Variants in ZRANB3 observed in about 807,000 individuals in gnomAD.
ZRANB3 encodes the protein DNA annealing helicase and endonuclease ZRANB3.
Under a neutral mutation model 133.8 loss-of-function variants are expected in ZRANB3, and 125 were observed. That is an observed-to-expected ratio of 0.93 (90% CI 0.81 to 1.08). The LOEUF is 1.08. ZRANB3 is among the 50% of genes least tolerant of loss of function. The probability of loss-of-function intolerance (pLI) is 0.00; values close to 1 mark genes in which losing one functional copy is unlikely to be tolerated. For synonymous variants in ZRANB3, 387 were observed against 432.7 expected, an observed-to-expected ratio of 0.89 and a Z score of 1.31; for missense variants, 1,229 against 1,275.5, an observed-to-expected ratio of 0.96 and a Z score of 0.56.
intron 8 of ZRANB3, among the ~76,000 whole-genome samples, chr2:135,291,035 T>C (rs1184529674): frequency 6.6e-6 from 1 of 152,124 alleles, no homozygotes; most frequent in African/African-American, 2.4e-5. Context: ...CTCCTTTTTG[T>C]ATTTTTACTA....
chr2:135,231,880 G>A (rs1353641530), intron 12 of ZRANB3, among the ~76,000 whole-genome samples: 1 of 152,158 alleles, frequency 6.6e-6, no homozygotes, highest in Admixed American at 6.5e-5. Context: ...CTGAAGATGG[G>A]TGATTTCTGC....
chr2:135,472,894 T>C (rs1276044815), intron 2 of ZRANB3, among the ~76,000 whole-genome samples: 1 of 152,204 alleles, frequency 6.6e-6, no homozygotes, highest in East Asian at 1.9e-4. Context: ...TTATACATCG[T>C]AGGGTTGTAG....
chr2:135,305,529 A>G (rs933031357), intron 8 of ZRANB3, among the ~76,000 whole-genome samples: 1 of 152,136 alleles, frequency 6.6e-6, no homozygotes, highest in African/African-American at 2.4e-5. Context: ...GAGGATTGCC[A>G]TTTTGTTAAT....
In ZRANB3 at chr2:135,208,906, C is replaced by T. The variant is rs1395573063; in HGVS notation, c.2568G>A (p.Leu856=). Residue 856 remains leucine, a synonymous_variant, in exon 18 of 21, where the codon CTG becomes CTA. Coordinates refer to ENST00000264159, the MANE Select transcript of ZRANB3 (RefSeq NM_032143.4). The part of the protein sequence containing the change: ...KVKNVGGHVR[L]ITKESRPRDP... Reference sequence around the variant, plus strand: ...CCCGTGGCCTGGACTCCTTTGTGATCAGACGGACATGGCCCCCAACATTCT... The same window carrying T: ...CCCGTGGCCTGGACTCCTTTGTGATTAGACGGACATGGCCCCCAACATTCT... 1 of 1,613,854 alleles carries T rather than the reference C, an allele frequency of 6.2e-7. No individual in the cohort carries two copies. The highest frequency in any genetic ancestry group is 8.5e-7 in the Non-Finnish European group (1 of 1,179,890).
intron 2 of ZRANB3, among the ~76,000 whole-genome samples, chr2:135,416,537 G>A (rs1465810314): frequency 1.3e-5 from 2 of 151,644 alleles, no homozygotes; most frequent in Admixed American, 6.6e-5. Flanking sequence ...TACTGCCCAA[G>A]GTAATTTATA....
intron 3 of ZRANB3, among the ~76,000 whole-genome samples, chr2:135,377,412 T>G (rs949200324): frequency 3.9e-5 from 6 of 152,140 alleles, no homozygotes; most frequent in African/African-American, 1.4e-4. Flanking sequence ...AAAATGAAAT[T>G]AGTTTTTTTT....
chr2:135,424,441 C>T (rs1688987529), intron 2 of ZRANB3, among the ~76,000 whole-genome samples: 1 of 151,748 alleles, frequency 6.6e-6, no homozygotes, highest in Admixed American at 6.6e-5. Context: ...CTTTTAAAAC[C>T]CCCAAACTAG....
intron 2 of ZRANB3, among the ~76,000 whole-genome samples, chr2:135,448,779 G>A (rs186353621): frequency 1.5e-3 from 222 of 152,262 alleles, no homozygotes; most frequent in African/African-American, 5.2e-3. Context: ...GAAGGGGAGA[G>A]GACCCAAAAT....
chr2:135,245,920 CCGTCTCAAAAAAAAAAAAAAA>C (rs1464921107), intron 12 of ZRANB3, among the ~76,000 whole-genome samples: 3 of 38,088 alleles, frequency 7.9e-5, no homozygotes, highest in Non-Finnish European at 9.9e-5. Context: ...GATTGAAACT[CCGTCTCAAAAAAAAAAAAAAA>C]AAAAAAAGAG....
In ZRANB3 at chr2:135,380,676, A is replaced by C. The variant is rs1489354113; in HGVS notation, c.180+10126T>G. On this transcript the variant is annotated intron_variant, in intron 3 of 20. Coordinates refer to ENST00000264159, the MANE Select transcript of ZRANB3 (RefSeq NM_032143.4). ...CACATTTAAAGCAGTGTGTAGAGGG[A>C]AATTTATAGTACTAAATGCCCTTAA... is the stretch of plus-strand genomic sequence containing the variant. 4.6e-5 allele frequency among the ~76,000 whole-genome samples: 7 copies of C among 152,370 alleles called. No homozygotes were observed. In the East Asian group the frequency reaches 1.3e-3, roughly 29 times the overall value.
chr2:135,310,942 T>C (rs1287398513), intron 8 of ZRANB3, among the ~76,000 whole-genome samples: 2 of 150,846 alleles, frequency 1.3e-5, no homozygotes, highest in Non-Finnish European at 2.9e-5. Context: ...TAGGCAAAAA[T>C]TTCTTAGGAC....
intron 2 of ZRANB3, among the ~76,000 whole-genome samples, chr2:135,439,245 T>C (rs1320530858): frequency 6.6e-6 from 1 of 152,186 alleles, no homozygotes; most frequent in East Asian, 1.9e-4. Flanking sequence ...CACTAATAAA[T>C]GTCAACTGTG....
At chr2:135,523,765 G>C (rs1451342912) in intron 1 of ZRANB3, among the ~76,000 whole-genome samples, 1 of 152,176 alleles carries the variant, frequency 6.6e-6, no homozygotes, top group Non-Finnish European at 1.5e-5. Context: ...CCAGCCTATA[G>C]TCTTGATTAT....
chr2:135,380,351 A>G (rs979847541), intron 3 of ZRANB3, among the ~76,000 whole-genome samples: 1 of 152,228 alleles, frequency 6.6e-6, no homozygotes, highest in African/African-American at 2.4e-5. Context: ...CCAAATCAAC[A>G]GAATATACAT....
chr2:135,300,567 C>T (rs979429132), intron 8 of ZRANB3, among the ~76,000 whole-genome samples: 1 of 152,150 alleles, frequency 6.6e-6, no homozygotes, highest in African/African-American at 2.4e-5. Context: ...AAATATATCT[C>T]CTATTTTTTC....
In ZRANB3 at chr2:135,306,313, A is replaced by C. The variant is rs189037729; in HGVS notation, c.966+7176T>G. Among the ~76,000 whole-genome samples the C allele has an allele frequency of 7.4e-3, 908 of 122,922 alleles. 7 individuals are homozygous for C. Among genetic ancestry groups the C allele is most frequent in the South Asian group, 0.046 (184 of 3,980 alleles). The allele number at this position is 122,922 out of a possible 152,430, so 80.6% of individuals were successfully genotyped here. A position where few individuals can be genotyped will look rare whatever the true frequency, so the allele number is the denominator to read the frequency against. Reference sequence around the variant, plus strand: ...TTTTTTTTTTTTTTTTCTGAGGTGGAGTCTCACTCTGTCACCCAGGCTGGA... The same window carrying C: ...TTTTTTTTTTTTTTTTCTGAGGTGGCGTCTCACTCTGTCACCCAGGCTGGA... On this transcript the variant is annotated intron_variant, in intron 8 of 20. Coordinates refer to ENST00000264159, the MANE Select transcript of ZRANB3 (RefSeq NM_032143.4).
intron 16 of ZRANB3, among the ~76,000 whole-genome samples, chr2:135,218,032 T>TA (rs1252604709): frequency 6.6e-6 from 1 of 152,102 alleles, no homozygotes; most frequent in East Asian, 1.9e-4. Context: ...AGGCTCGTCT[T>TA]AAACTCCTGG....
At chr2:135,369,184 A>G (rs969435619) in intron 3 of ZRANB3, among the ~76,000 whole-genome samples, 9 of 152,108 alleles carry the variant, frequency 5.9e-5, no homozygotes, top group African/African-American at 1.9e-4. Context: ...ACAGAAATAC[A>G]TAGAAAGTAT....
chr2:135,349,606 T>C (rs563861674), intron 5 of ZRANB3, among the ~76,000 whole-genome samples: 3 of 152,118 alleles, frequency 2.0e-5, no homozygotes, highest in African/African-American at 7.2e-5. Context: ...TGAAATGCAG[T>C]GTAAAAGAAA....
Sources: allele counts gnomAD v4.1 joint callset (sites outside exome capture counted in the v4.1 genomes callset), GRCh38; gene constraint gnomAD v4.1.1; transcripts MANE v1.5; gene names NCBI Gene and HGNC (gene_info 2026-07-23, HGNC 2026-07-21).